The following SHOX variants were observed in gnomAD, a reference collection of about 807,000 sequenced individuals.
SHOX encodes short stature homeobox protein.
SHOX carries 12 observed loss-of-function variants against 29.6 expected under a neutral mutation model. The observed-to-expected ratio is 0.41, with a 90% CI of 0.26 to 0.66. SHOX has a LOEUF of 0.66. Among genes scored for constraint, SHOX ranks in the 30% least tolerant of loss-of-function variants. SHOX has a pLI of 0.35. For missense variants in SHOX, 499 were observed against 437.7 expected, an observed-to-expected ratio of 1.14 and a Z score of -1.25; for synonymous variants, 214 against 200.6, an observed-to-expected ratio of 1.07 and a Z score of -0.57.
chrX:634,923 C>G, intron 2 of SHOX, 97 bp downstream of exon 2: 5 of 1,321,368 alleles, frequency 3.8e-6, no homozygotes, highest in Non-Finnish European at 5.1e-6. Flanking sequence ...GGGCCGCCGC[C>G]GTCCCCTTCC....
At chrX:630,304 C>T (rs1193282320), upstream of SHOX, among the ~76,000 whole-genome samples, 1 of 68,652 alleles carries the variant, frequency 1.5e-5, no homozygotes, top group Non-Finnish European at 3.7e-5. Context: ...CCGGGGCGCC[C>T]GGATCCCCCC....
chrX:658,768 C>A (rs1361917579), intron 5 of SHOX: 1 of 391,752 alleles, frequency 2.6e-6, no homozygotes, highest in Admixed American at 2.7e-5. Context: ...CTGCACTTGG[C>A]CTTTTTTTTT....
chrX:643,085 G>A (rs1206020817), intron 4 of SHOX, among the ~76,000 whole-genome samples: 1 of 149,842 alleles, frequency 6.7e-6, no homozygotes, highest in African/African-American at 2.5e-5. Context: ...GAGCCTTGGG[G>A]ACCTGGTGTC....
In SHOX at chrX:631,075, A is replaced by C; in HGVS notation, c.178A>C (p.Thr60Pro). 1 of 1,613,694 alleles carries C rather than the reference A, an allele frequency of 6.2e-7. No homozygotes were observed. The highest frequency in any genetic ancestry group is 8.5e-7 in the Non-Finnish European group (1 of 1,179,848). The change falls in exon 1 of 5, where the codon ACG becomes CCG. Residue 60 changes from threonine to proline, a missense_variant. Coordinates refer to ENST00000686671, the MANE Select transcript of SHOX (RefSeq NM_000451.4). Reference protein sequence around the residue: ...GTSDSSLQDITEGGGHCPVHL... With the variant: ...GTSDSSLQDIPEGGGHCPVHL... ...GTCGGATTCCAGCCTCCAGGACATC[A>C]CGGAGGGCGGCGGCCACTGCCCGGT...
chrX:638,458 G>A (rs955595370), intron 2 of SHOX, among the ~76,000 whole-genome samples: 9 of 152,144 alleles, frequency 5.9e-5, no homozygotes, highest in African/African-American at 2.2e-4. Flanking sequence ...CAGTGGAGGT[G>A]GAGGTCTGAA....
chrX:640,813 T>C lies in SHOX; in HGVS notation c.487-8T>C. 1 of 1,613,768 alleles carries C rather than the reference T, an allele frequency of 6.2e-7. No individual in the cohort carries two copies. On this transcript the variant is annotated splice_region_variant and splice_polypyrimidine_tract_variant and intron_variant, in intron 2 of 4. Coordinates refer to ENST00000686671, the MANE Select transcript of SHOX (RefSeq NM_000451.4). The stretch of plus-strand genomic sequence containing the variant: ...GGCTCTTCACATCTCTCTCTGCTTC[T>C]CCCCAAGGTTTGGTTCCAGAACCGG...
Position 649,922 on chromosome X carries a change from C to G in SHOX, c.*5286C>G. 2.2e-6 allele frequency: 1 copy of G among 454,254 alleles called. No homozygotes were observed. Among genetic ancestry groups the G allele is most frequent in the South Asian group, 1.6e-5 (1 of 64,094 alleles). 28.1% of individuals were successfully genotyped at this position (454,254 alleles called of 1,614,324 possible). On this transcript the variant is annotated 3_prime_UTR_variant, in exon 5 of 5. Coordinates refer to ENST00000686671, the MANE Select transcript of SHOX (RefSeq NM_000451.4). ...ACATATCCACTTTTCTCTCTCTTTT[C>G]TCTCTCTCTGACTGCGAAGCACCCA... is the stretch of plus-strand genomic sequence containing the variant.
chrX:629,523 G>GTC (rs1039735930), upstream of SHOX, among the ~76,000 whole-genome samples: 1 of 138,800 alleles, frequency 7.2e-6, no homozygotes, highest in African/African-American at 2.7e-5. Context: ...CTCTCTCCCT[G>GTC]TCTCTCTCTC....
intron 2 of SHOX, among the ~76,000 whole-genome samples, chrX:636,970 A>ATATATATATATATATATTT (rs1458275715): frequency 1.5e-5 from 2 of 137,340 alleles, no homozygotes; most frequent in African/African-American, 5.5e-5. Context: ...ATATATATAT[A>ATATATATATATATATATTT]TTTTGGCTCC....
chrX:629,791 C>G (rs1017172820), upstream of SHOX, among the ~76,000 whole-genome samples: 6 of 152,156 alleles, frequency 3.9e-5, no homozygotes, highest in Non-Finnish European at 8.8e-5. Flanking sequence ...TGGCAGGAAC[C>G]GTGACGCGTT....
chrX:634,177 G>A (rs1213597419), intron 1 of SHOX, among the ~76,000 whole-genome samples: 1 of 152,200 alleles, frequency 6.6e-6, no homozygotes, highest in Non-Finnish European at 1.5e-5. Context: ...TGCAGCGGTG[G>A]GGATAGCGTC....
intron 5 of SHOX, among the ~76,000 whole-genome samples, chrX:657,656 T>A (rs1255824415): frequency 5.9e-5 from 9 of 152,154 alleles, no homozygotes; most frequent in Admixed American, 3.3e-4. Flanking sequence ...TATGCAAAGA[T>A]GTACAAAAAC....
At chrX:626,283 C>G (rs2052531150), upstream of SHOX, among the ~76,000 whole-genome samples, 2 of 148,828 alleles carry the variant, frequency 1.3e-5, no homozygotes, top group African/African-American at 5.0e-5. Context: ...CTGTCTCTCT[C>G]TGTGTCTCTA....
At chrX:651,816 G>C (rs2053069502), downstream of SHOX, among the ~76,000 whole-genome samples, 1 of 151,686 alleles carries the variant, frequency 6.6e-6, no homozygotes, top group African/African-American at 2.4e-5. Context: ...CTACCTCCCC[G>C]CTTCTCAGCC....
upstream of SHOX, among the ~76,000 whole-genome samples, chrX:626,876 C>T (rs897898578): frequency 1.3e-5 from 2 of 150,644 alleles, no homozygotes; most frequent in African/African-American, 4.9e-5. Context: ...CTCTCTTTGT[C>T]TCTCTCCTCT....
intron 4 of SHOX, 93 bp downstream of exon 4, chrX:641,180 C>T (rs1321241676): frequency 1.7e-6 from 2 of 1,182,490 alleles, no homozygotes; most frequent in Admixed American, 1.8e-5. Context: ...CACTCCTAGT[C>T]CCTCCCTGCC....
At chrX:659,002 T>TG (rs1450598694) in exon 6 of SHOX, 1 of 164,166 alleles carries the variant, frequency 6.1e-6, no homozygotes, top group Non-Finnish European at 1.3e-5. Context: ...TGACCTCAGG[T>TG]GATCCACCCG....
intron 2 of SHOX, among the ~76,000 whole-genome samples, chrX:637,130 GAGGA>G (rs1266540138): frequency 1.3e-5 from 2 of 151,794 alleles, no homozygotes; most frequent in African/African-American, 4.8e-5. Flanking sequence ...TGGTGACTTG[GAGGA>G]AGGACTGTGT....
intron 4 of SHOX, among the ~76,000 whole-genome samples, chrX:641,611 T>G (rs1192722044): frequency 6.9e-6 from 1 of 144,490 alleles, no homozygotes; most frequent in Non-Finnish European, 1.5e-5. Flanking sequence ...ACCTGGGAGG[T>G]GGAGGTTGCC....
Sources: allele counts gnomAD v4.1 joint callset (sites outside exome capture counted in the v4.1 genomes callset), GRCh38; gene constraint gnomAD v4.1.1; transcripts MANE v1.5; gene names NCBI Gene and HGNC (gene_info 2026-07-23, HGNC 2026-07-21).